EPB41L4A: variants seen among roughly 807,000 people sequenced by gnomAD.
The protein encoded by EPB41L4A is erythrocyte membrane protein band 4.1 like 4A.
EPB41L4A carries 100 observed loss-of-function variants against 108.6 expected under a neutral mutation model. That is an observed-to-expected ratio of 0.92 (90% CI 0.78 to 1.09). EPB41L4A has a LOEUF of 1.09. Ranked by LOEUF, EPB41L4A falls within the 50% of genes least tolerant of loss-of-function variation. EPB41L4A has a pLI of 0.00. For synonymous variants in EPB41L4A, 319 were observed against 289.0 expected (o/e 1.10, Z -1.05); for missense variants, 1,030 against 842.7 (o/e 1.22, Z -2.75).
Position 112,259,273 on chromosome 5 carries a change from G to C in EPB41L4A, c.751C>G (p.His251Asp), listed in dbSNP as rs758771306. Residue 251 changes from histidine to aspartate, a missense_variant, in exon 9 of 23, where the codon CAC (histidine) becomes GAC (aspartate). By Grantham distance (81) the His-to-Asp change is moderately conservative (BLOSUM62 -1). Transcript: ENST00000261486. ...AGTTCAAATTGAGTCTCCTTGAAGTGAACCTTTGTAATCCGAGGCCTAAAA... is the reference window on the plus strand; with the variant it reads ...AGTTCAAATTGAGTCTCCTTGAAGTCAACCTTTGTAATCCGAGGCCTAAAA... ...KYFWPRITKV[H>D]FKETQFELRV... 1.2e-6 allele frequency: 2 copies of C among 1,613,936 alleles called. No individual in the cohort carries two copies. Among genetic ancestry groups the C allele is most frequent in the Non-Finnish European group, 1.7e-6 (2 of 1,179,840 alleles).
intron 12 of EPB41L4A, among the ~76,000 whole-genome samples, chr5:112,151,184 T>C (rs1433300584): frequency 3.3e-5 from 5 of 152,070 alleles, no homozygotes; most frequent in African/African-American, 1.2e-4. Flanking sequence ...GAGAGAATGA[T>C]GATCAAAGAA....
intron 9 of EPB41L4A, among the ~76,000 whole-genome samples, chr5:112,255,345 C>T (rs1201381357): frequency 2.0e-5 from 3 of 152,112 alleles, no homozygotes; most frequent in Non-Finnish European, 2.9e-5. Context: ...TTCATTCCCC[C>T]GTTAATGGAA....
chr5:112,185,321 T>C (rs1385859068), intron 17 of EPB41L4A, among the ~76,000 whole-genome samples: 1 of 152,216 alleles, frequency 6.6e-6, no homozygotes, highest in Non-Finnish European at 1.5e-5. Flanking sequence ...TCTGAACAGA[T>C]GTCTTTTGGT....
rs373733907 is a variant in EPB41L4A at position 112,212,460 on chromosome 5, T to C, written c.1088-2478A>G. On this transcript the variant is annotated intron_variant, in intron 12 of 22. Coordinates refer to ENST00000261486, the MANE Select transcript of EPB41L4A (RefSeq NM_022140.5). ...GGCGCATGACACTGAGTCCAGCTAA[T>C]TTTTTTATAATTTTAGTAGAGACAG... Among the ~76,000 whole-genome samples the C allele has an allele frequency of 4.0e-5, 6 of 151,242 alleles. No homozygotes were observed. In the East Asian group the frequency reaches 5.8e-4, roughly 15 times the overall value.
intron 22 of EPB41L4A, among the ~76,000 whole-genome samples, chr5:112,166,320 C>T (rs1383076860): frequency 2.6e-5 from 4 of 152,220 alleles, no homozygotes; most frequent in African/African-American, 9.6e-5. Context: ...CGCTTGGCAG[C>T]CAGATGAGTG....
At chr5:112,335,163 C>G (rs1013212841) in intron 1 of EPB41L4A, among the ~76,000 whole-genome samples, 6 of 152,102 alleles carry the variant, frequency 3.9e-5, no homozygotes, top group African/African-American at 1.2e-4. Flanking sequence ...GGGCTTGGCA[C>G]AGAGTACAGG....
chr5:112,319,585 A>G (rs1467440717), intron 1 of EPB41L4A, among the ~76,000 whole-genome samples: 2 of 152,224 alleles, frequency 1.3e-5, no homozygotes, highest in African/African-American at 2.4e-5. Flanking sequence ...TAAAAAATAG[A>G]TAAGATGAAA....
intron 1 of EPB41L4A, among the ~76,000 whole-genome samples, chr5:112,313,015 A>G (rs1343894574): frequency 1.3e-5 from 2 of 152,232 alleles, no homozygotes; most frequent in South Asian, 2.1e-4. Flanking sequence ...GAAACACATG[A>G]CTTCATTCAT....
At chr5:112,248,797 TGCCAGCA>T (rs939543013) in intron 9 of EPB41L4A, among the ~76,000 whole-genome samples, 4 of 152,146 alleles carry the variant, frequency 2.6e-5, no homozygotes, top group African/African-American at 9.6e-5. Context: ...GGGCTCACGT[TGCCAGCA>T]GCACACCCAC....
intron 4 of EPB41L4A, among the ~76,000 whole-genome samples, chr5:112,270,026 G>A (rs903991671): frequency 1.3e-5 from 2 of 152,102 alleles, no homozygotes; most frequent in East Asian, 1.9e-4. Flanking sequence ...ATGTTGAAAC[G>A]AGCTAAATTG....
chr5:112,258,928 C>T (rs1023989682), intron 9 of EPB41L4A, among the ~76,000 whole-genome samples: 2 of 152,164 alleles, frequency 1.3e-5, no homozygotes, highest in South Asian at 2.1e-4. Flanking sequence ...ACCTTCTACC[C>T]TCACAGAGAG....
intron 1 of EPB41L4A, among the ~76,000 whole-genome samples, chr5:112,387,756 T>C (rs543038661): frequency 2.1e-4 from 32 of 152,332 alleles, no homozygotes; most frequent in Admixed American, 3.9e-4. Context: ...TTTTCAAATA[T>C]ACATTATCTG....
At chr5:112,406,669 G>A (rs763396672) in intron 1 of EPB41L4A, among the ~76,000 whole-genome samples, 1 of 152,028 alleles carries the variant, frequency 6.6e-6, no homozygotes, top group Non-Finnish European at 1.5e-5. Context: ...TAGGAGTATG[G>A]GAGGTGATGG....
At chr5:112,250,497 G>T (rs1486664338) in intron 9 of EPB41L4A, 1 of 152,048 alleles carries the variant, frequency 6.6e-6, no homozygotes, top group Non-Finnish European at 1.5e-5. Flanking sequence ...TTGTTTTAAT[G>T]ATAACTAACT....
intron 9 of EPB41L4A, among the ~76,000 whole-genome samples, chr5:112,245,713 G>C (rs1300694936): frequency 1.3e-5 from 2 of 152,200 alleles, no homozygotes; most frequent in Non-Finnish European, 2.9e-5. Flanking sequence ...AAGGATGCAG[G>C]TCAGAGAGCC....
intron 15 of EPB41L4A, among the ~76,000 whole-genome samples, chr5:112,201,492 C>A (rs756879053): frequency 6.6e-6 from 1 of 152,064 alleles, no homozygotes; most frequent in Non-Finnish European, 1.5e-5. Flanking sequence ...CATATTTTAG[C>A]AAAATGTAAT....
intron 17 of EPB41L4A, among the ~76,000 whole-genome samples, chr5:112,193,370 C>T (rs1482551190): frequency 6.6e-6 from 1 of 152,158 alleles, no homozygotes; most frequent in South Asian, 2.1e-4. Flanking sequence ...GGCACAGTCT[C>T]GGCTCACTGC....
chr5:112,233,057 G>C (rs1402272851), intron 12 of EPB41L4A, among the ~76,000 whole-genome samples: 4 of 151,910 alleles, frequency 2.6e-5, no homozygotes, highest in African/African-American at 7.3e-5. Context: ...AAAAAAATCT[G>C]AATAACCCAA....
chr5:112,375,344 C>CAA (rs1281080170), intron 1 of EPB41L4A, among the ~76,000 whole-genome samples: 3 of 150,684 alleles, frequency 2.0e-5, no homozygotes, highest in African/African-American at 7.4e-5. Flanking sequence ...CATACACACA[C>CAA]ACACACACAC....
Sources: gnomAD v4.1 joint callset for allele counts (sites outside exome capture counted in the v4.1 genomes callset) on GRCh38, gnomAD v4.1.1 for gene constraint, MANE v1.5 for transcripts, NCBI Gene and HGNC (gene_info 2026-07-23, HGNC 2026-07-21) for gene names.